The following WDR48 variants were observed in gnomAD, a reference collection of about 807,000 sequenced individuals.
WDR48 encodes WD repeat-containing protein 48.
In WDR48, 22 loss-of-function variants were observed where a neutral mutation model predicts 94.0. That is an observed-to-expected ratio of 0.23 (90% CI 0.17 to 0.33). WDR48 has a LOEUF of 0.33. WDR48 is among the 10% of genes least tolerant of loss of function. The pLI, the probability that WDR48 is intolerant of heterozygous loss-of-function variation, is 1.00. For synonymous variants in WDR48, 278 were observed against 280.5 expected (o/e 0.99, Z 0.09); for missense variants, 541 against 813.8 (o/e 0.66, Z 4.08).
intron 8 of WDR48, among the ~76,000 whole-genome samples, chr3:39,076,584 A>G (rs1408533275): frequency 1.3e-5 from 2 of 152,216 alleles, no homozygotes; most frequent in Non-Finnish European, 2.9e-5. Context: ...TGGGAAGAAT[A>G]GTGGATGAAT....
chr3:39,089,251 G>T lies in WDR48; in HGVS notation c.1601G>T (p.Gly534Val). 6.2e-7 allele frequency: 1 copy of T among 1,613,292 alleles called. No individual in the cohort carries two copies. The highest frequency in any genetic ancestry group is 8.5e-7 in the Non-Finnish European group (1 of 1,179,620). The change falls in exon 16 of 19, where the codon GGG becomes GTG. Residue 534 changes from glycine (G) to valine (V), a missense_variant. Gly to Val is a moderately radical substitution (Grantham distance 109). Coordinates refer to ENST00000302313, the MANE Select transcript of WDR48 (RefSeq NM_020839.4). ...TLFRLLCRDS[G>V]GETESMLLNE... ...TTTAGGCTGCTCTGCCGAGATTCCG[G>T]GGGTGAGACTGAGTCTATGCTTCTT...
intron 1 of WDR48, among the ~76,000 whole-genome samples, chr3:39,052,969 T>C (rs78066404): frequency 0.035 from 5,322 of 152,292 alleles, 190 homozygotes; most frequent in East Asian, 0.16. Flanking sequence ...CACGTATACC[T>C]ATGTAACAAA....
At position 39,077,113 on chromosome 3, in the gene WDR48, G is replaced by A. The variant is rs185869942; in HGVS notation, c.898-26G>A. 3.1e-6 allele frequency: 5 copies of A among 1,613,740 alleles called. No individual in the cohort carries two copies. In the African/African-American group the frequency reaches 6.7e-5, roughly 22 times the overall value. On this transcript the variant is annotated intron_variant, in intron 8 of 18. Coordinates refer to ENST00000302313, the MANE Select transcript of WDR48 (RefSeq NM_020839.4). ...TTCAGAAGAGTTGACATTCCACAAA[G>A]CAATATTTTTGTGCTTTGTTTTCAG...
rs565736445 is a variant in WDR48, at chr3:39,085,543, A to G, written c.1407A>G (p.Ala469=). 1.2e-6 allele frequency: 2 copies of G among 1,611,904 alleles called. No individual in the cohort carries two copies. Among genetic ancestry groups the G allele is most frequent in the Admixed American group, 1.7e-5 (1 of 59,506 alleles). ...KLNLGGLLLQ[A]LLEYWPRTHV... ...ATTTAGGAGGACTTTTACTCCAAGC[A>G]CTCCTGGAATATTGGCCTAGAACAC... Residue 469 remains alanine, a synonymous_variant, in exon 14 of 19, where the codon GCA becomes GCG. Coordinates refer to ENST00000302313, the MANE Select transcript of WDR48 (RefSeq NM_020839.4).
intron 3 of WDR48, 135 bp from the exon 4 acceptor site, chr3:39,066,413 A>G (rs1426272674): frequency 1.1e-5 from 8 of 732,010 alleles, no homozygotes; most frequent in Non-Finnish European, 1.5e-5. Context: ...GGTTCTAGAA[A>G]GAGCTTTTAG....
intron 16 of WDR48, chr3:39,089,757 T>C (rs60392216): frequency 0.14 from 21,562 of 152,242 alleles, 1,773 homozygotes; most frequent in African/African-American, 0.22. Context: ...GTTCTGCAAC[T>C]TTTTTTTCAC....
At chr3:39,057,760 C>T (rs528417283) in intron 1 of WDR48, among the ~76,000 whole-genome samples, 1 of 152,194 alleles carries the variant, frequency 6.6e-6, no homozygotes, top group East Asian at 1.9e-4. Context: ...CTAGCTGGGA[C>T]TACAGGTGCG....
At chr3:39,064,157 A>T in intron 2 of WDR48, among the ~76,000 whole-genome samples, 1 of 152,256 alleles carries the variant, frequency 6.6e-6, no homozygotes, top group Middle Eastern at 3.4e-3. Flanking sequence ...CAGGGAAGAA[A>T]AAAAGAGCAT....
In WDR48 at chr3:39,094,922, A is replaced by C. The variant is rs1339255651; in HGVS notation, c.*179A>C. 5 of 801,082 alleles carry C rather than the reference A, an allele frequency of 6.2e-6. No individual in the cohort carries two copies. The highest frequency in any genetic ancestry group is 9.6e-6 in the Non-Finnish European group (5 of 518,752). The allele number at this position is 801,082 out of a possible 1,614,324, so 49.6% of individuals were successfully genotyped here. A position where few individuals can be genotyped will look rare whatever the true frequency, so the allele number is the denominator to read the frequency against. On this transcript the variant is annotated 3_prime_UTR_variant, in exon 19 of 19. Transcript: ENST00000302313. ...AGATGTAATATAGAAACCAGTCTCC[A>C]TGTGTAGATTAAGCTGTCCCCAGGG...
intron 11 of WDR48, among the ~76,000 whole-genome samples, chr3:39,082,608 A>G (rs539831342): frequency 6.6e-6 from 1 of 152,270 alleles, no homozygotes; most frequent in African/African-American, 2.4e-5. Context: ...TGAAAGGAGT[A>G]TGAGGAAAGG....
chr3:39,079,737 A>G lies in WDR48; in HGVS notation c.1102A>G (p.Ile368Val). 6.4e-7 allele frequency: 1 copy of G among 1,562,186 alleles called. No individual in the cohort carries two copies. The highest frequency in any genetic ancestry group is 1.2e-5 in the South Asian group (1 of 81,180). The change falls in exon 11 of 19, where the codon ATT (isoleucine) becomes GTT (valine). Residue 368 changes from isoleucine (I) to valine (V), a missense_variant. By Grantham distance (29) the Ile-to-Val change is conservative. This residue lies in a region of WDR48 where 238 missense variants were observed against 285.3 expected (regional missense o/e 0.83). Coordinates refer to ENST00000302313, the MANE Select transcript of WDR48 (RefSeq NM_020839.4). ...KGGASIIQCH[I>V]LNDKRHILTK... is the part of the protein sequence containing the mutation. ...GGGTGCTAGTATTATTCAGTGCCAC[A>G]TTCTTAATGATAAGAGACATATATT...
Position 39,094,979 on chromosome 3 carries a change from C to T in WDR48, c.*236C>T. 1.8e-6 allele frequency: 1 copy of T among 559,028 alleles called. No individual in the cohort carries two copies. The highest frequency in any genetic ancestry group is 3.5e-5 in the Admixed American group (1 of 28,862). The allele number at this position is 559,028 out of a possible 1,614,324, so 34.6% of individuals were successfully genotyped here. A position where few individuals can be genotyped will look rare whatever the true frequency, so the allele number is the denominator to read the frequency against. On this transcript the variant is annotated 3_prime_UTR_variant, in exon 19 of 19. Transcript: ENST00000302313. ...AGTGCAAGAGCAGAAGAGCCCCAAG[C>T]AGACTATGTCTTTCAAGATGTACAG...
chr3:39,056,466 A>G (rs1344041130), intron 1 of WDR48, among the ~76,000 whole-genome samples: 1 of 152,210 alleles, frequency 6.6e-6, no homozygotes, highest in African/African-American at 2.4e-5. Flanking sequence ...TTCTAAATGC[A>G]CAGAAAAACT....
chr3:39,066,521 A>T (rs2033619361), intron 3 of WDR48, 27 bp from the exon 4 acceptor site: 1 of 1,592,748 alleles, frequency 6.3e-7, no homozygotes. Context: ...ACTACTAAGG[A>T]GTTTGTTAAT....
intron 11 of WDR48, 21 bp downstream of exon 11, chr3:39,079,829 A>C: frequency 7.0e-7 from 1 of 1,437,332 alleles, no homozygotes; most frequent in South Asian, 1.4e-5. Context: ...TTTTTGGGCT[A>C]AATATAGGTT....
chr3:39,054,239 C>T (rs910820765), intron 1 of WDR48, among the ~76,000 whole-genome samples: 2 of 152,070 alleles, frequency 1.3e-5, no homozygotes, highest in Non-Finnish European at 2.9e-5. Context: ...CGGGCAATGT[C>T]ATGTTTTAAT....
chr3:39,068,871 C>T lies in WDR48; in HGVS notation c.570+12C>T, dbSNP rs564449944. Reference sequence around the variant, plus strand: ...GGTCCACTGAAAAGGTAAGGAGGAGCTTATTTCTTTATTTAAAAAAAAAAA... The same window carrying T: ...GGTCCACTGAAAAGGTAAGGAGGAGTTTATTTCTTTATTTAAAAAAAAAAA... On this transcript the variant is annotated intron_variant, in intron 6 of 18. Coordinates refer to ENST00000302313, the MANE Select transcript of WDR48 (RefSeq NM_020839.4). 7 of 1,541,970 alleles carry T rather than the reference C, an allele frequency of 4.5e-6. No homozygotes were observed. The African/African-American group carries it at 9.7e-5, about 21-fold the overall frequency.
At position 39,083,857 on chromosome 3, in the gene WDR48, G is replaced by A. The variant is rs148705583; in HGVS notation, c.1174-298G>A. Among the ~76,000 whole-genome samples, 72 of 152,258 alleles carry A rather than the reference G, an allele frequency of 4.7e-4. No homozygotes were observed. In the East Asian group the frequency reaches 0.013, roughly 27 times the overall value. ...ATAAGCAGTCCCCCTTTGAGAAGAT[G>A]GCCGACAACTGGGACCCTCGAAAGA... On this transcript the variant is annotated intron_variant, in intron 11 of 18. Transcript: ENST00000302313.
intron 1 of WDR48, 21 bp from the exon 2 acceptor site, chr3:39,063,029 A>G (rs749851746): frequency 1.9e-6 from 3 of 1,613,638 alleles, no homozygotes; most frequent in East Asian, 2.2e-5. Context: ...TATAAAAAGC[A>G]TATGTTGACA....
Sources: allele counts gnomAD v4.1 joint callset (sites outside exome capture counted in the v4.1 genomes callset), GRCh38; gene constraint gnomAD v4.1.1; regional missense constraint gnomAD v4.1.1; transcripts MANE v1.5; gene names NCBI Gene and HGNC (gene_info 2026-07-23, HGNC 2026-07-21).